LRIT1: variants seen among roughly 807,000 people sequenced by gnomAD.
The protein encoded by LRIT1 is leucine rich repeat, Ig-like and transmembrane domains 1, also known as leucine-rich repeat, immunoglobulin-like domain and transmembrane domain-containing protein 1.
In LRIT1, 23 loss-of-function variants were observed where a neutral mutation model predicts 24.0. The ratio of observed to expected loss-of-function variants is 0.96; its 90% CI spans 0.69 to 1.36. LRIT1 has a LOEUF of 1.36. LRIT1 is among the 40% of genes most tolerant of loss of function. The probability of loss-of-function intolerance (pLI) is 0.00; values close to 1 mark genes in which losing one functional copy is unlikely to be tolerated. For missense variants in LRIT1, 846 were observed against 806.3 expected, an observed-to-expected ratio of 1.05 and a Z score of -0.60; for synonymous variants, 361 against 340.5, an observed-to-expected ratio of 1.06 and a Z score of -0.66.
chr10:84,241,399 G>A lies in LRIT1; in HGVS notation c.41C>T (p.Ala14Val), dbSNP rs773093905. 39 of 1,609,602 alleles carry A rather than the reference G, an allele frequency of 2.4e-5. No homozygotes were observed. Among genetic ancestry groups the A allele is most frequent in the Middle Eastern group, 1.7e-4 (1 of 6,006 alleles). Residue 14 changes from alanine (A) to valine (V), a missense_variant, in exon 1 of 4, where the codon GCG becomes GTG. Transcript: ENST00000372105. Reference sequence around the variant, plus strand: ...GAAGCCCCGGGCCTGGGGGGGCCACGCAAGGGCCAAGAGCCAGAGCATGCC... The same window carrying A: ...GAAGCCCCGGGCCTGGGGGGGCCACACAAGGGCCAAGAGCCAGAGCATGCC... Reference protein sequence around the residue: ...ALGMLWLLALAWPPQARGFCP... With the variant: ...ALGMLWLLALVWPPQARGFCP...
intron 1 of LRIT1, among the ~76,000 whole-genome samples, chr10:84,239,159 A>G (rs1183487193): frequency 6.6e-6 from 1 of 152,242 alleles, no homozygotes; most frequent in Non-Finnish European, 1.5e-5. Flanking sequence ...TTGAGCAAAT[A>G]TACATGGAAC....
Position 84,231,976 on chromosome 10 carries a change from T to G in LRIT1, c.1823A>C (p.Gln608Pro), listed in dbSNP as rs542883059. The G allele has an allele frequency of 1.2e-6, 2 of 1,613,400 alleles. No homozygotes were observed. Among genetic ancestry groups the G allele is most frequent in the Non-Finnish European group, 1.7e-6 (2 of 1,179,608 alleles). The change falls in exon 4 of 4, where the codon CAG becomes CCG. Residue 608 changes from glutamine (Q) to proline (P), a missense_variant. Physicochemically the swap from Gln to Pro is moderately conservative, Grantham distance 76. Coordinates refer to ENST00000372105, the MANE Select transcript of LRIT1 (RefSeq NM_015613.3). ...CCTGCCCCCTTTGACTCCAAAGGCC[T>G]GAAAGTCCACACTGGAACGAGCTGA... is the stretch of plus-strand genomic sequence containing the variant. Reference protein sequence around the residue: ...LLSARSSVDFQAFGVKGGRRI... With the variant: ...LLSARSSVDFPAFGVKGGRRI...
In LRIT1 at chr10:84,231,987, A is replaced by G. The variant is rs941208079; in HGVS notation, c.1812T>C (p.Ser604=). ...TGACTCCAAAGGCCTGAAAGTCCACACTGGAACGAGCTGAGAGAAGCCTGT... is the reference window on the plus strand; with the variant it reads ...TGACTCCAAAGGCCTGAAAGTCCACGCTGGAACGAGCTGAGAGAAGCCTGT... ...EADRLLSARS[S]VDFQAFGVKG... The change falls in exon 4 of 4, where the codon AGT becomes AGC. Residue 604 remains serine, a synonymous_variant. Transcript: ENST00000372105. 1 of 1,614,036 alleles carries G rather than the reference A, an allele frequency of 6.2e-7. No individual in the cohort carries two copies.
In LRIT1 at chr10:84,232,582, G is replaced by A. The variant is rs2132861647; in HGVS notation, c.1217C>T (p.Thr406Ile). ...GGCATCCATCTGGAAGTGCTCAAGG[G>A]TCAGCTCCTCCTTTGTGCTGGGCAC... is the stretch of plus-strand genomic sequence containing the variant. ...PSVPSTKEEL[T>I]LEHFQMDALG... Residue 406 changes from threonine (T) to isoleucine (I), a missense_variant, in exon 4 of 4, where the codon ACC (threonine) becomes ATC (isoleucine). Coordinates refer to ENST00000372105, the MANE Select transcript of LRIT1 (RefSeq NM_015613.3). 6.2e-7 allele frequency: 1 copy of A among 1,614,102 alleles called. No individual in the cohort carries two copies. Among genetic ancestry groups the A allele is most frequent in the South Asian group, 1.1e-5 (1 of 91,078 alleles).
intron 1 of LRIT1, 27 bp downstream of exon 1, chr10:84,241,291 G>A: frequency 6.2e-7 from 1 of 1,613,652 alleles, no homozygotes; most frequent in Non-Finnish European, 8.5e-7. Flanking sequence ...AGGCTGGGCT[G>A]CCCGTCCCAC....
intron 1 of LRIT1, among the ~76,000 whole-genome samples, chr10:84,239,437 C>A (rs982894096): frequency 6.6e-6 from 1 of 151,984 alleles, no homozygotes; most frequent in African/African-American, 2.4e-5. Flanking sequence ...AGAGCAAGAC[C>A]CTGTCTCAAA....
At chr10:84,239,649 C>A (rs1281550843) in intron 1 of LRIT1, among the ~76,000 whole-genome samples, 1 of 152,222 alleles carries the variant, frequency 6.6e-6, no homozygotes, top group Non-Finnish European at 1.5e-5. Context: ...CAGAGGCAAA[C>A]TGGGACAAAC....
chr10:84,239,902 TA>T (rs1842679335), intron 1 of LRIT1, among the ~76,000 whole-genome samples: 1 of 152,230 alleles, frequency 6.6e-6, no homozygotes, highest in Non-Finnish European at 1.5e-5. Flanking sequence ...CATGGCCTCA[TA>T]GGACCCTCCA....
At chr10:84,235,213 C>T (rs138841246) in intron 2 of LRIT1, among the ~76,000 whole-genome samples, 21 of 152,236 alleles carry the variant, frequency 1.4e-4, no homozygotes, top group Admixed American at 9.8e-4. Context: ...ATATTTAATA[C>T]GTGCATCACA....
chr10:84,232,302 A>C lies in LRIT1; in HGVS notation c.1497T>G (p.Cys499Trp), dbSNP rs772706912. 6.2e-7 allele frequency: 1 copy of C among 1,614,050 alleles called. No homozygotes were observed. Among genetic ancestry groups the C allele is most frequent in the African/African-American group, 1.3e-5 (1 of 75,062 alleles). The change falls in exon 4 of 4, where the codon TGT becomes TGG. Residue 499 changes from cysteine (C) to tryptophan (W), a missense_variant. Coordinates refer to ENST00000372105, the MANE Select transcript of LRIT1 (RefSeq NM_015613.3). ...CCTTCCGGGGCACCAGGCCCTGCAC[A>C]CAGACACACGCCACATACTTGGTCT... ...LPKTKYVACV[C>W]VQGLVPRKEQ...
In LRIT1 at chr10:84,241,474, T is replaced by A. The variant is rs1306383960; in HGVS notation, c.-35A>T. On this transcript the variant is annotated 5_prime_UTR_variant, in exon 1 of 4. Coordinates refer to ENST00000372105, the MANE Select transcript of LRIT1 (RefSeq NM_015613.3). ...CTCCTCTCTGGCCCAGGCAGGGGCC[T>A]GTCCCTGGACCGCTCCGTCCCACCG... is the stretch of plus-strand genomic sequence containing the variant. 3 of 1,498,554 alleles carry A rather than the reference T, an allele frequency of 2.0e-6. No homozygotes were observed. The highest frequency in any genetic ancestry group is 2.7e-6 in the Non-Finnish European group (3 of 1,129,224). 92.8% of individuals were successfully genotyped at this position (1,498,554 alleles called of 1,614,324 possible). A position where few individuals can be genotyped will look rare whatever the true frequency, so the allele number is the denominator to read the frequency against.
chr10:84,240,188 G>A (rs1410872713), intron 1 of LRIT1, among the ~76,000 whole-genome samples: 3 of 152,188 alleles, frequency 2.0e-5, no homozygotes, highest in African/African-American at 4.8e-5. Context: ...TGCCTTCTAC[G>A]GGTGGTGGGA....
At chr10:84,233,480 G>T (rs1268593271) in intron 3 of LRIT1, among the ~76,000 whole-genome samples, 1 of 137,306 alleles carries the variant, frequency 7.3e-6, no homozygotes, top group African/African-American at 3.1e-5. Flanking sequence ...GTTCTTAAGG[G>T]CCCTGGAATT....
In LRIT1 at chr10:84,241,546, C is replaced by A. The variant is rs369454287; in HGVS notation, c.-107G>T. ...CCCACTTGCTCGCCAGCCCCTTACACCCCCTCCTGAGGCCATCGGATAAAC... is the reference window on the plus strand; with the variant it reads ...CCCACTTGCTCGCCAGCCCCTTACAACCCCTCCTGAGGCCATCGGATAAAC... On this transcript the variant is annotated 5_prime_UTR_variant, in exon 1 of 4. Transcript: ENST00000372105. The A allele has an allele frequency of 1.3e-5, 16 of 1,202,498 alleles. No homozygotes were observed. In the South Asian group the frequency reaches 1.9e-4, roughly 14 times the overall value. 74.5% of individuals were successfully genotyped at this position (1,202,498 alleles called of 1,614,324 possible). A position where few individuals can be genotyped will look rare whatever the true frequency, so the allele number is the denominator to read the frequency against.
chr10:84,241,297 C>T (rs1043045243), intron 1 of LRIT1, 21 bp downstream of exon 1: 1 of 1,613,714 alleles, frequency 6.2e-7, no homozygotes, highest in African/African-American at 1.3e-5. Flanking sequence ...GGCTGCCCGT[C>T]CCACGCACCC....
chr10:84,231,706 T>C lies in LRIT1; in HGVS notation c.*221A>G, dbSNP rs1842597315. 3.6e-6 allele frequency: 2 copies of C among 556,098 alleles called. No homozygotes were observed. Among genetic ancestry groups the C allele is most frequent in the South Asian group, 2.4e-5 (1 of 41,290 alleles). The allele number at this position is 556,098 out of a possible 1,614,324, so 34.4% of individuals were successfully genotyped here. ...GAATAGTGATGCCTGCTGCAAATGA[T>C]TGTTACAAGAATTTAGCACTTAGAA... On this transcript the variant is annotated 3_prime_UTR_variant, in exon 4 of 4. Transcript: ENST00000372105.
chr10:84,232,807 T>G lies in LRIT1; in HGVS notation c.992A>C (p.Lys331Thr). ...LDSGDYICQA[K>T]NFLGASETVI... Reference sequence around the variant, plus strand: ...AGTTTCAGAGGCTCCCAGGAAGTTCTTGGCTTGGCAGATGTAGTCTCCGGA... The same window carrying G: ...AGTTTCAGAGGCTCCCAGGAAGTTCGTGGCTTGGCAGATGTAGTCTCCGGA... The change falls in exon 4 of 4, where the codon AAG (lysine) becomes ACG (threonine). Residue 331 changes from lysine to threonine, a missense_variant. Transcript: ENST00000372105. The G allele has an allele frequency of 1.2e-6, 2 of 1,613,676 alleles. No individual in the cohort carries two copies. The highest frequency in any genetic ancestry group is 1.7e-6 in the Non-Finnish European group (2 of 1,180,032).
At chr10:84,234,043 C>A in intron 3 of LRIT1, 30 bp downstream of exon 3, 1 of 1,424,656 alleles carries the variant, frequency 7.0e-7, no homozygotes, top group Non-Finnish European at 9.2e-7. Context: ...AGTCTAGGTT[C>A]TCAGTGCAGC....
At chr10:84,237,964 A>G (rs963699313) in intron 1 of LRIT1, among the ~76,000 whole-genome samples, 1 of 152,192 alleles carries the variant, frequency 6.6e-6, no homozygotes, top group Non-Finnish European at 1.5e-5. Flanking sequence ...GTTACGACCC[A>G]TAACAGCCCG....
Sources: gnomAD v4.1 joint callset for allele counts (sites outside exome capture counted in the v4.1 genomes callset) on GRCh38, gnomAD v4.1.1 for gene constraint, MANE v1.5 for transcripts, NCBI Gene and HGNC (gene_info 2026-07-23, HGNC 2026-07-21) for gene names.